Variants in NIBAN1 observed in about 807,000 individuals in gnomAD.
NIBAN1 encodes niban apoptosis regulator 1.
NIBAN1 carries 81 observed loss-of-function variants against 75.1 expected under a neutral mutation model. The observed-to-expected ratio is 1.08, with a 90% CI of 0.90 to 1.30. NIBAN1 has a LOEUF of 1.30. Ranked by LOEUF, NIBAN1 falls within the 50% of genes most tolerant of loss-of-function variation. The pLI is 0.00. For missense variants in NIBAN1, 1,133 were observed against 1,128.1 expected (o/e 1.00, Z -0.06); for synonymous variants, 436 against 424.8 (o/e 1.03, Z -0.32).
chr1:184,798,030 A>C, intron 13 of NIBAN1, 49 bp downstream of exon 13: 1 of 1,257,646 alleles, frequency 8.0e-7, no homozygotes, highest in Non-Finnish European at 1.1e-6. Context: ...TATTTCAGGG[A>C]TGCTCCCCTC....
At chr1:184,854,815 G>A (rs1655632185) in intron 5 of NIBAN1, among the ~76,000 whole-genome samples, 1 of 152,214 alleles carries the variant, frequency 6.6e-6, no homozygotes, top group Non-Finnish European at 1.5e-5. Flanking sequence ...AATCTCAATA[G>A]TGGGTACAGA....
At chr1:184,964,768 C>T (rs754935153) in intron 1 of NIBAN1, among the ~76,000 whole-genome samples, 8 of 152,212 alleles carry the variant, frequency 5.3e-5, no homozygotes, top group African/African-American at 1.2e-4. Context: ...TCAGAGAATA[C>T]TGAAATTCAT....
chr1:184,890,374 T>C, intron 3 of NIBAN1, 152 bp from the exon 4 acceptor site: 1 of 618,518 alleles, frequency 1.6e-6, no homozygotes, highest in Non-Finnish European at 2.9e-6. Context: ...TCAAAAAATA[T>C]GTTTTGAATA....
At chr1:184,813,013 TA>T (rs1654427381) in intron 9 of NIBAN1, among the ~76,000 whole-genome samples, 1 of 152,210 alleles carries the variant, frequency 6.6e-6, no homozygotes, top group African/African-American at 2.4e-5. Context: ...AAAAATACTT[TA>T]TTAAAGAGTG....
chr1:184,823,720 T>A lies in NIBAN1; in HGVS notation c.740A>T (p.Glu247Val). The A allele has an allele frequency of 6.2e-7, 1 of 1,614,064 alleles. No individual in the cohort carries two copies. Among genetic ancestry groups the A allele is most frequent in the African/African-American group, 1.3e-5 (1 of 75,038 alleles). ...TGTCTGAAGAGTGGGCAGGAGCTCC[T>A]CCATCACCAGGTTACTCAGGATCTG... ...EIQILSNLVM[E>V]ELLPTLQTDL... The change falls in exon 7 of 14, where the codon GAG (glutamate) becomes GTG (valine). Residue 247 changes from glutamate to valine, a missense_variant. Physicochemically the swap from Glu to Val is moderately radical, Grantham distance 121 (BLOSUM62 -2). Coordinates refer to ENST00000367511, the MANE Select transcript of NIBAN1 (RefSeq NM_052966.4).
chr1:184,797,662 G>C (rs1239906119), intron 13 of NIBAN1, among the ~76,000 whole-genome samples: 1 of 152,050 alleles, frequency 6.6e-6, no homozygotes, highest in Admixed American at 6.6e-5. Context: ...GCTTTGGTGG[G>C]TGGGGGGCAG....
chr1:184,857,641 CT>C (rs375106215), intron 5 of NIBAN1, among the ~76,000 whole-genome samples: 2 of 152,174 alleles, frequency 1.3e-5, no homozygotes, highest in African/African-American at 4.8e-5. Context: ...CAACAAAAAT[CT>C]GCAATCAAAT....
Position 184,894,186 on chromosome 1 carries a change from A to T in NIBAN1, c.207T>A (p.Thr69=), listed in dbSNP as rs1656741161. Residue 69 remains threonine (T), a synonymous_variant, in exon 3 of 14, where the codon ACT becomes ACA. Coordinates refer to ENST00000367511, the MANE Select transcript of NIBAN1 (RefSeq NM_052966.4). ...LKTKPPLAPG[T]ILYEAELSQF... ...GTGATAGCTCTGCTTCATACAAAATAGTTCCAGGCGCCAATGGTGGCTTAA... is the reference window on the plus strand; with the variant it reads ...GTGATAGCTCTGCTTCATACAAAATTGTTCCAGGCGCCAATGGTGGCTTAA... 7 of 1,607,752 alleles carry T rather than the reference A, an allele frequency of 4.4e-6. No homozygotes were observed. In the South Asian group the frequency reaches 7.8e-5, roughly 18 times the overall value.
At chr1:184,826,513 C>T (rs1001064996) in intron 6 of NIBAN1, among the ~76,000 whole-genome samples, 7 of 152,090 alleles carry the variant, frequency 4.6e-5, no homozygotes, top group Admixed American at 3.3e-4. Flanking sequence ...ACACATCTGC[C>T]GAAAGTGTGG....
Position 184,894,201 on chromosome 1 carries a change from T to C in NIBAN1, c.192A>G (p.Pro64=), listed in dbSNP as rs771837283. Residue 64 remains proline (P), a synonymous_variant, in exon 3 of 14, where the codon CCA becomes CCG. Transcript: ENST00000367511. ...CATACAAAATAGTTCCAGGCGCCAA[T>C]GGTGGCTTAAAGAAGATGAATACAA... The part of the protein sequence containing the change: ...LTSQFLKTKP[P]LAPGTILYEA... 1.2e-6 allele frequency: 2 copies of C among 1,600,728 alleles called. No individual in the cohort carries two copies. Among genetic ancestry groups the C allele is most frequent in the Non-Finnish European group, 1.7e-6 (2 of 1,175,676 alleles).
At chr1:184,865,650 C>T (rs1250360702) in intron 5 of NIBAN1, among the ~76,000 whole-genome samples, 3 of 152,134 alleles carry the variant, frequency 2.0e-5, no homozygotes, top group African/African-American at 7.2e-5. Context: ...CTTAATGGGT[C>T]ACAGCCAACA....
In NIBAN1 at chr1:184,807,822, G is replaced by T. The variant is rs555862376; in HGVS notation, c.1335+252C>A. ...AATGTGTAGCCAAGGTTACAGCACT[G>T]ATTTGACAAATCAAGTAGTTATCAA... On this transcript the variant is annotated intron_variant, in intron 10 of 13. Transcript: ENST00000367511. Among the ~76,000 whole-genome samples, 18 of 152,290 alleles carry T rather than the reference G, an allele frequency of 1.2e-4. 1 individual carries two copies. In the South Asian group the frequency reaches 3.7e-3, roughly 32 times the overall value.
intron 2 of NIBAN1, among the ~76,000 whole-genome samples, chr1:184,895,843 T>C (rs181972149): frequency 9.3e-4 from 141 of 152,312 alleles, no homozygotes; most frequent in Admixed American, 2.3e-3. Flanking sequence ...TTAGTTCACT[T>C]AGGATAATGG....
chr1:184,885,518 A>G (rs925908984), intron 4 of NIBAN1, among the ~76,000 whole-genome samples: 4 of 152,034 alleles, frequency 2.6e-5, no homozygotes, highest in African/African-American at 9.7e-5. Flanking sequence ...AAGACCCACA[A>G]ACGGAGCTTC....
intron 1 of NIBAN1, among the ~76,000 whole-genome samples, chr1:184,924,767 T>A (rs974972935): frequency 6.6e-6 from 1 of 152,168 alleles, no homozygotes; most frequent in African/African-American, 2.4e-5. Flanking sequence ...TGGTAGGTTG[T>A]AGGTATCCAG....
chr1:184,833,868 T>C (rs1309617020), intron 5 of NIBAN1, among the ~76,000 whole-genome samples: 2 of 152,036 alleles, frequency 1.3e-5, no homozygotes, highest in South Asian at 2.1e-4. Flanking sequence ...TTTTTTTTTT[T>C]TCGATTATAC....
At chr1:184,839,459 C>T (rs898636213) in intron 5 of NIBAN1, among the ~76,000 whole-genome samples, 1 of 152,054 alleles carries the variant, frequency 6.6e-6, no homozygotes, top group African/African-American at 2.4e-5. Flanking sequence ...TCTTGCAACC[C>T]TATAGTACGA....
chr1:184,933,935 CTGACATTG>C (rs1158369683), intron 1 of NIBAN1, among the ~76,000 whole-genome samples: 1 of 152,166 alleles, frequency 6.6e-6, no homozygotes, highest in African/African-American at 2.4e-5. Context: ...ACTGACCTCC[CTGACATTG>C]TGTGAAGCAG....
At chr1:184,959,654 G>C (rs1443631923) in intron 1 of NIBAN1, among the ~76,000 whole-genome samples, 1 of 152,190 alleles carries the variant, frequency 6.6e-6, no homozygotes. Context: ...CTTTATTCAA[G>C]CAGGCAGTTA....
Sources: gnomAD v4.1 joint callset for allele counts (sites outside exome capture counted in the v4.1 genomes callset) on GRCh38, gnomAD v4.1.1 for gene constraint, MANE v1.5 for transcripts, NCBI Gene and HGNC (gene_info 2026-07-23, HGNC 2026-07-21) for gene names.